LNX1: variants seen among roughly 807,000 people sequenced by gnomAD.
LNX1 encodes ligand of numb-protein X 1.
Under a neutral mutation model 68.4 loss-of-function variants are expected in LNX1, and 54 were observed. The ratio of observed to expected loss-of-function variants is 0.79; its 90% CI spans 0.63 to 0.99. The LOEUF (loss-of-function observed/expected upper bound fraction) is 0.99, where lower values mean the gene tolerates loss of function less well. Ranked by LOEUF, LNX1 falls within the 50% of genes least tolerant of loss-of-function variation. The pLI is 0.00. For synonymous variants in LNX1, 336 were observed against 350.0 expected (o/e 0.96, Z 0.45); for missense variants, 906 against 926.4 (o/e 0.98, Z 0.29).
chr4:53,497,789 C>T (rs1725177877), intron 5 of LNX1, among the ~76,000 whole-genome samples: 1 of 152,200 alleles, frequency 6.6e-6, no homozygotes, highest in Admixed American at 6.5e-5. Context: ...GCAGGAATTT[C>T]AGTATTTCTG....
intron 2 of LNX1, among the ~76,000 whole-genome samples, chr4:53,556,866 A>G (rs1234808327): frequency 6.6e-6 from 1 of 152,242 alleles, no homozygotes; most frequent in Non-Finnish European, 1.5e-5. Flanking sequence ...TAATGTGACC[A>G]GACAAGCTTT....
chr4:53,610,895 A>G (rs1733467156), intron 2 of LNX1, among the ~76,000 whole-genome samples: 1 of 152,014 alleles, frequency 6.6e-6, no homozygotes, highest in Admixed American at 6.6e-5. Context: ...ATACATGTCT[A>G]TAACAAGTTT....
At chr4:53,633,839 G>A (rs369519134) in intron 1 of LNX1, among the ~76,000 whole-genome samples, 12 of 152,258 alleles carry the variant, frequency 7.9e-5, no homozygotes, top group Admixed American at 4.6e-4. Context: ...GGGACTTTGG[G>A]GAGATTGCAT....
intron 1 of LNX1, among the ~76,000 whole-genome samples, chr4:53,638,599 A>G (rs1553945932): frequency 6.6e-6 from 1 of 152,062 alleles, no homozygotes; most frequent in Non-Finnish European, 1.5e-5. Context: ...GTTTTTCCTC[A>G]TTTTTGTGCT....
intron 10 of LNX1, 28 bp from the exon 11 acceptor site, chr4:53,461,070 A>C: frequency 6.5e-7 from 1 of 1,529,514 alleles, no homozygotes; most frequent in South Asian, 1.2e-5. Flanking sequence ...ACAAGATATG[A>C]TTAGTATTTT....
intron 2 of LNX1, among the ~76,000 whole-genome samples, chr4:53,548,138 G>A (rs1042682373): frequency 6.0e-5 from 9 of 148,966 alleles, no homozygotes; most frequent in African/African-American, 1.7e-4. Context: ...AAAAAAAGTC[G>A]GGGGAAATAT....
At chr4:53,605,918 G>T (rs1377186144) in intron 2 of LNX1, among the ~76,000 whole-genome samples, 1 of 152,162 alleles carries the variant, frequency 6.6e-6, no homozygotes, top group African/African-American at 2.4e-5. Flanking sequence ...ATCAGCTGGT[G>T]ATTCCGTTTC....
At chr4:53,493,569 C>G (rs1156911925) in intron 6 of LNX1, among the ~76,000 whole-genome samples, 1 of 152,182 alleles carries the variant, frequency 6.6e-6, no homozygotes, top group African/African-American at 2.4e-5. Context: ...CAGGACAGTG[C>G]AGAGAGTTGC....
chr4:53,648,250 G>A lies in LNX1; in HGVS notation c.-215+3918C>T, dbSNP rs150627742. On this transcript the variant is annotated intron_variant, in intron 1 of 2. Coordinates refer to the LNX1 transcript ENST00000507168. Reference sequence around the variant, plus strand: ...GCACAAGCATTCCAATTTCTCCATGGCCTTCACAACATTGGTTATTTTGGA... The same window carrying A: ...GCACAAGCATTCCAATTTCTCCATGACCTTCACAACATTGGTTATTTTGGA... Among the ~76,000 whole-genome samples the A allele has an allele frequency of 7.0e-4, 107 of 152,290 alleles. 1 individual carries two copies. In the East Asian group the frequency reaches 0.019, roughly 26 times the overall value.
At chr4:53,600,065 T>C (rs1158451234) in intron 2 of LNX1, among the ~76,000 whole-genome samples, 6 of 152,300 alleles carry the variant, frequency 3.9e-5, no homozygotes, top group Middle Eastern at 3.4e-3. Flanking sequence ...CCCAATACCA[T>C]ATGCTTTTTA....
At chr4:53,621,337 C>A (rs1449319404), upstream of LNX1, among the ~76,000 whole-genome samples, 1 of 152,204 alleles carries the variant, frequency 6.6e-6, no homozygotes, top group African/African-American at 2.4e-5. Context: ...TTTTCGGCAT[C>A]ACGCTCACTG....
intron 9 of LNX1, among the ~76,000 whole-genome samples, chr4:53,476,363 AG>A (rs1236166722): frequency 1.3e-5 from 2 of 152,252 alleles, no homozygotes; most frequent in Non-Finnish European, 1.5e-5. Flanking sequence ...GGCTGCCACT[AG>A]CAGATTAGGC....
chr4:53,506,159 A>C (rs1725854427), intron 4 of LNX1, among the ~76,000 whole-genome samples: 1 of 152,208 alleles, frequency 6.6e-6, no homozygotes, highest in Non-Finnish European at 1.5e-5. Flanking sequence ...AGAGGACCTG[A>C]TTTAAAATCT....
At chr4:53,463,240 G>C (rs1361217945) in intron 9 of LNX1, among the ~76,000 whole-genome samples, 1 of 151,972 alleles carries the variant, frequency 6.6e-6, no homozygotes, top group East Asian at 1.9e-4. Context: ...CTAACCTCTT[G>C]ATACTGGAGA....
intron 7 of LNX1, among the ~76,000 whole-genome samples, chr4:53,480,327 T>C (rs1195943164): frequency 6.6e-6 from 1 of 152,204 alleles, no homozygotes; most frequent in East Asian, 1.9e-4. Context: ...AGCAGAAATG[T>C]GACCAGATCC....
At chr4:53,569,957 C>T (rs528025689) in intron 2 of LNX1, among the ~76,000 whole-genome samples, 1 of 152,044 alleles carries the variant, frequency 6.6e-6, no homozygotes, top group African/African-American at 2.4e-5. Flanking sequence ...ATCAAAACCA[C>T]AATGAGATAC....
chr4:53,620,288 T>C (rs1374537008), upstream of LNX1, among the ~76,000 whole-genome samples: 1 of 152,202 alleles, frequency 6.6e-6, no homozygotes, highest in Non-Finnish European at 1.5e-5. Context: ...TTTTGCATTA[T>C]ATAATTTTGC....
intron 4 of LNX1, 42 bp from the exon 5 acceptor site, chr4:53,498,885 T>C (rs1272071747): frequency 1.8e-5 from 26 of 1,457,820 alleles, no homozygotes; most frequent in Non-Finnish European, 2.5e-5. Flanking sequence ...ACCCACCCAA[T>C]GGACCTTTCC....
At chr4:53,494,620 C>T (rs1228179175) in intron 6 of LNX1, among the ~76,000 whole-genome samples, 1 of 152,246 alleles carries the variant, frequency 6.6e-6, no homozygotes, top group Non-Finnish European at 1.5e-5. Flanking sequence ...CAGTGTTAGA[C>T]TGCATGGGCA....
Sources: gnomAD v4.1 joint callset for allele counts (sites outside exome capture counted in the v4.1 genomes callset) on GRCh38, gnomAD v4.1.1 for gene constraint, MANE v1.5 for transcripts, NCBI Gene and HGNC (gene_info 2026-07-23, HGNC 2026-07-21) for gene names.